Variants in LAMA2 observed in about 807,000 individuals in gnomAD.
LAMA2 encodes the protein laminin subunit alpha 2, also known as laminin subunit alpha-2.
LAMA2 carries 269 observed loss-of-function variants against 364.8 expected under a neutral mutation model. The ratio of observed to expected loss-of-function variants is 0.74; its 90% confidence interval spans 0.67 to 0.82. The LOEUF (loss-of-function observed/expected upper bound fraction) is 0.82, where lower values mean the gene tolerates loss of function less well. LAMA2 is among the 40% of genes least tolerant of loss of function. The pLI is 0.00. For synonymous variants in LAMA2, 1,379 were observed against 1,370.6 expected (o/e 1.01, Z -0.14); for missense variants, 3,807 against 3,873.2 (o/e 0.98, Z 0.45).
At position 129,247,452 on chromosome 6, in the gene LAMA2, A is replaced by G. The variant is rs1157216244; in HGVS notation, c.1783-2660A>G. On this transcript the variant is annotated intron_variant, in intron 12 of 64. Coordinates refer to ENST00000421865, the MANE Select transcript of LAMA2 (RefSeq NM_000426.4). ...AATGACAGAGCAAGACTCTAGGTCA[A>G]AAAATAAAGAAAGACAGAATTACTT... 2.0e-5 allele frequency among the ~76,000 whole-genome samples: 3 copies of G among 152,214 alleles called. No homozygotes were observed. In the East Asian group the frequency reaches 5.8e-4, roughly 29 times the overall value.
intron 34 of LAMA2, among the ~76,000 whole-genome samples, chr6:129,375,151 GTATAAA>G (rs1002796505): frequency 3.9e-4 from 59 of 151,968 alleles, no homozygotes; most frequent in African/African-American, 1.4e-3. Context: ...TTTAATTCAT[GTATAAA>G]TATAAAGTAA....
At chr6:128,895,522 C>T (rs1366543927) in intron 1 of LAMA2, among the ~76,000 whole-genome samples, 3 of 149,150 alleles carry the variant, frequency 2.0e-5, no homozygotes, top group African/African-American at 7.4e-5. Context: ...GTGGCGGGCG[C>T]TTGTAGTGCC....
At chr6:129,287,714 A>G in intron 18 of LAMA2, 133 bp from the exon 19 acceptor site, 1 of 797,404 alleles carries the variant, frequency 1.3e-6, no homozygotes, top group Non-Finnish European at 2.2e-6. Flanking sequence ...TTTTTTAATC[A>G]CGTTGCGTTT....
chr6:129,444,062 C>T (rs895611385), intron 44 of LAMA2, among the ~76,000 whole-genome samples: 1 of 151,998 alleles, frequency 6.6e-6, no homozygotes, highest in African/African-American at 2.4e-5. Context: ...TGTCAAGTTT[C>T]ATCAAGAAAA....
chr6:129,305,459 G>A (rs902939400), intron 22 of LAMA2, among the ~76,000 whole-genome samples: 1 of 151,800 alleles, frequency 6.6e-6, no homozygotes, highest in Non-Finnish European at 1.5e-5. Context: ...AGAGTAGCTG[G>A]GACTACAGGC....
chr6:129,314,407 A>AAAAAAAAAAAAAAAAAAAC (rs1774437574), intron 23 of LAMA2, among the ~76,000 whole-genome samples: 1 of 151,358 alleles, frequency 6.6e-6, no homozygotes, highest in African/African-American at 2.4e-5. Flanking sequence ...TCAAAAAAAA[A>AAAAAAAAAAAAAAAAAAAC]AAAAAAAAAA....
chr6:129,038,206 T>C (rs1198015573), intron 1 of LAMA2, among the ~76,000 whole-genome samples: 6 of 152,220 alleles, frequency 3.9e-5, no homozygotes, highest in African/African-American at 1.2e-4. Context: ...CTTTGTATAA[T>C]TGCTGTGAGT....
intron 29 of LAMA2, among the ~76,000 whole-genome samples, chr6:129,330,546 T>C (rs1775568138): frequency 6.6e-6 from 1 of 151,908 alleles, no homozygotes; most frequent in Non-Finnish European, 1.5e-5. Flanking sequence ...TTCAGTTTCT[T>C]GTGCCTCTCT....
At chr6:129,118,733 G>A (rs1776619264) in intron 4 of LAMA2, among the ~76,000 whole-genome samples, 2 of 152,264 alleles carry the variant, frequency 1.3e-5, no homozygotes, top group South Asian at 4.1e-4. Flanking sequence ...TATACAGTCA[G>A]AATCTCTCTA....
intron 12 of LAMA2, among the ~76,000 whole-genome samples, chr6:129,233,421 A>AT (rs1464450821): frequency 6.6e-6 from 1 of 152,204 alleles, no homozygotes; most frequent in Non-Finnish European, 1.5e-5. Flanking sequence ...TACTGATAAC[A>AT]TAAGCAATTT....
chr6:129,411,055 A>G (rs1403736955), intron 40 of LAMA2, among the ~76,000 whole-genome samples: 1 of 152,188 alleles, frequency 6.6e-6, no homozygotes, highest in Non-Finnish European at 1.5e-5. Context: ...ATGCACAGCA[A>G]TATTGAGGAG....
At chr6:129,195,008 C>T (rs1003804010) in intron 12 of LAMA2, among the ~76,000 whole-genome samples, 9 of 152,254 alleles carry the variant, frequency 5.9e-5, no homozygotes, top group South Asian at 2.1e-4. Context: ...ACAGAAATAG[C>T]GTATCAAGAT....
At chr6:128,944,131 G>GGGA (rs1780348455) in intron 1 of LAMA2, among the ~76,000 whole-genome samples, 1 of 152,184 alleles carries the variant, frequency 6.6e-6, no homozygotes, top group South Asian at 2.1e-4. Flanking sequence ...AAAAGCAAAT[G>GGGA]GGACCTTAAA....
At position 129,440,814 on chromosome 6, in the gene LAMA2, A is replaced by T. The variant is rs759055212; in HGVS notation, c.6086-2A>T. 3 of 1,613,422 alleles carry T rather than the reference A, an allele frequency of 1.9e-6. No individual in the cohort carries two copies. The highest frequency in any genetic ancestry group is 2.5e-6 in the Non-Finnish European group (3 of 1,179,538). On this transcript the variant is annotated splice_acceptor_variant, in intron 42 of 64. Coordinates refer to ENST00000421865, the MANE Select transcript of LAMA2 (RefSeq NM_000426.4). LOFTEE classifies it high-confidence loss of function. ...GTTTTTCATACCCTCATCTGCTGAC[A>T]GATACAGCTGCTAAACTGCAAGCTG...
rs1337106959 is a variant in LAMA2, at chr6:129,200,293, CAT to C, written c.1782+7444_1782+7445del. Among the ~76,000 whole-genome samples, 11 of 146,344 alleles carry C rather than the reference CAT, an allele frequency of 7.5e-5. 1 individual carries two copies. Among genetic ancestry groups the C allele is most frequent in the Non-Finnish European group, 1.3e-4 (9 of 66,942 alleles). On this transcript the variant is annotated intron_variant, in intron 12 of 64. Transcript: ENST00000421865. ...ACATGTGTATATATATACGTGTACA[CAT>C]ATACATGTGTGTATATATATACGTG...
At chr6:128,920,700 TATATATATGC>T (rs1425671776) in intron 1 of LAMA2, among the ~76,000 whole-genome samples, 1 of 151,620 alleles carries the variant, frequency 6.6e-6, no homozygotes, top group Non-Finnish European at 1.5e-5. Flanking sequence ...TACATGTGTG[TATATATATGC>T]ATATATATGC....
intron 1 of LAMA2, among the ~76,000 whole-genome samples, chr6:128,978,056 A>T (rs74902542): frequency 0.026 from 3,945 of 152,304 alleles, 156 homozygotes; most frequent in African/African-American, 0.083. Flanking sequence ...ATAAGAGAAG[A>T]TAAGTACGGA....
chr6:129,019,477 T>A (rs1041814193), intron 1 of LAMA2, among the ~76,000 whole-genome samples: 11 of 151,856 alleles, frequency 7.2e-5, no homozygotes, highest in African/African-American at 2.4e-4. Context: ...CTTTTGTGGG[T>A]GATGCCTTCA....
chr6:129,236,404 C>G (rs1320303485), intron 12 of LAMA2, among the ~76,000 whole-genome samples: 2 of 152,118 alleles, frequency 1.3e-5, no homozygotes, highest in Non-Finnish European at 2.9e-5. Context: ...ATGCTCAGAA[C>G]TCCCTTCCCT....
Sources: gnomAD v4.1 joint callset for allele counts (sites outside exome capture counted in the v4.1 genomes callset) on GRCh38, gnomAD v4.1.1 for gene constraint, MANE v1.5 for transcripts, NCBI Gene and HGNC (gene_info 2026-07-23, HGNC 2026-07-21) for gene names.